AGPS: variants seen among roughly 807,000 people sequenced by gnomAD.
AGPS encodes the protein alkylglycerone phosphate synthase.
A neutral mutation model predicts 90.7 loss-of-function variants in AGPS; 26 were observed. That is an observed-to-expected ratio of 0.29 (90% CI 0.21 to 0.40). The LOEUF is 0.40. AGPS is among the 10% of genes least tolerant of loss of function. AGPS has a pLI of 1.00. For missense variants in AGPS, 540 were observed against 816.1 expected (o/e 0.66, Z 4.12); for synonymous variants, 294 against 285.3 (o/e 1.03, Z -0.31).
intron 10 of AGPS, among the ~76,000 whole-genome samples, chr2:177,478,152 G>A (rs1276997112): frequency 6.6e-6 from 1 of 152,068 alleles, no homozygotes; most frequent in Non-Finnish European, 1.5e-5. Flanking sequence ...CCCCCTTTCA[G>A]CATTTTGAAT....
At chr2:177,536,063 G>A (rs1350736406) in intron 19 of AGPS, among the ~76,000 whole-genome samples, 1 of 152,118 alleles carries the variant, frequency 6.6e-6, no homozygotes, top group Non-Finnish European at 1.5e-5. Context: ...AGCGCTTGGT[G>A]AGTGACTTCA....
chr2:177,502,670 G>A (rs1189683844), intron 14 of AGPS, among the ~76,000 whole-genome samples: 1 of 151,952 alleles, frequency 6.6e-6, no homozygotes, highest in Non-Finnish European at 1.5e-5. Flanking sequence ...GTCTCAAGCA[G>A]TACTCCCACC....
chr2:177,463,869 C>T (rs1383095965), intron 9 of AGPS, among the ~76,000 whole-genome samples: 2 of 152,130 alleles, frequency 1.3e-5, no homozygotes, highest in African/African-American at 4.8e-5. Flanking sequence ...TTAAGGGATA[C>T]AAATTATAAG....
At chr2:177,497,109 A>G (rs1036133537) in intron 12 of AGPS, among the ~76,000 whole-genome samples, 2 of 152,058 alleles carry the variant, frequency 1.3e-5, no homozygotes, top group East Asian at 3.8e-4. Flanking sequence ...GCAGGCAAAG[A>G]TGTTAATTTA....
chr2:177,412,837 C>G (rs982681242), intron 1 of AGPS, among the ~76,000 whole-genome samples: 1 of 152,056 alleles, frequency 6.6e-6, no homozygotes, highest in African/African-American at 2.4e-5. Context: ...AACCGTGGAA[C>G]CCAGCGACTA....
Position 177,523,904 on chromosome 2 carries a change from G to C in AGPS, c.1855+99G>C. Reference sequence around the variant, plus strand: ...GAGACATGGTATGAATAATATGAGAGTACTTGAGGTTTCTTTAAAGTTTCT... The same window carrying C: ...GAGACATGGTATGAATAATATGAGACTACTTGAGGTTTCTTTAAAGTTTCT... On this transcript the variant is annotated intron_variant, in intron 19 of 19. Coordinates refer to ENST00000264167, the MANE Select transcript of AGPS (RefSeq NM_003659.4). The C allele has an allele frequency of 8.9e-6, 9 of 1,014,618 alleles. 1 individual carries two copies. Among genetic ancestry groups the C allele is most frequent in the South Asian group, 8.0e-5 (6 of 75,206 alleles). 62.9% of individuals were successfully genotyped at this position (1,014,618 alleles called of 1,614,324 possible). A position where few individuals can be genotyped will look rare whatever the true frequency, so the allele number is the denominator to read the frequency against.
intron 19 of AGPS, among the ~76,000 whole-genome samples, chr2:177,529,825 T>C (rs1042030101): frequency 2.6e-4 from 40 of 152,200 alleles, no homozygotes; most frequent in African/African-American, 8.9e-4. Context: ...CAAATCTATA[T>C]TGGATTCCTG....
intron 14 of AGPS, among the ~76,000 whole-genome samples, chr2:177,502,407 ATTTTTTTTTTTTTTT>A: frequency 9.1e-6 from 1 of 109,304 alleles, no homozygotes; most frequent in East Asian, 2.5e-4. Context: ...AGCCATTTCG[ATTTTTTTTTTTTTTT>A]TTTTTTTTGA....
intron 7 of AGPS, among the ~76,000 whole-genome samples, chr2:177,444,691 A>T (rs6433666): frequency 0.86 from 130,138 of 152,098 alleles, 55,928 homozygotes; most frequent in East Asian, 0.95. Context: ...TATGTTAGTT[A>T]TTGCCGTGAA....
At chr2:177,505,843 G>A (rs1243842393) in intron 15 of AGPS, among the ~76,000 whole-genome samples, 2 of 151,800 alleles carry the variant, frequency 1.3e-5, no homozygotes, top group Admixed American at 1.3e-4. Flanking sequence ...TAAAAGTTGA[G>A]CATACCATTC....
chr2:177,465,393 T>G (rs1004153908), intron 9 of AGPS, among the ~76,000 whole-genome samples: 1 of 152,236 alleles, frequency 6.6e-6, no homozygotes, highest in East Asian at 1.9e-4. Flanking sequence ...GGTGTCACTT[T>G]TTTAGCCAGA....
At chr2:177,497,622 G>C in intron 12 of AGPS, 67 bp from the exon 13 acceptor site, 1 of 810,718 alleles carries the variant, frequency 1.2e-6, no homozygotes, top group South Asian at 2.2e-5. Flanking sequence ...TTCTAAGTTG[G>C]AGTAGCTTCT....
chr2:177,487,276 CTG>C (rs1688123318), intron 11 of AGPS, among the ~76,000 whole-genome samples: 1 of 151,926 alleles, frequency 6.6e-6, no homozygotes, highest in Non-Finnish European at 1.5e-5. Context: ...AGAGGAAAAA[CTG>C]TATTTGGTAT....
chr2:177,478,468 T>C (rs1476172279), intron 10 of AGPS, among the ~76,000 whole-genome samples: 2 of 152,194 alleles, frequency 1.3e-5, no homozygotes, highest in African/African-American at 2.4e-5. Context: ...TTTCTTCCAG[T>C]ACTCCCATTA....
intron 14 of AGPS, among the ~76,000 whole-genome samples, chr2:177,501,121 A>T (rs556947789): frequency 2.6e-5 from 4 of 152,310 alleles, no homozygotes; most frequent in African/African-American, 9.6e-5. Context: ...TTGTGTATTT[A>T]AATATTTACT....
chr2:177,524,375 A>G (rs1278951473), intron 19 of AGPS, among the ~76,000 whole-genome samples: 5 of 152,314 alleles, frequency 3.3e-5, no homozygotes, highest in South Asian at 2.1e-4. Context: ...CAATATGTCT[A>G]TCTTTGTTAC....
intron 16 of AGPS, among the ~76,000 whole-genome samples, chr2:177,510,546 T>C (rs1688840271): frequency 6.6e-6 from 1 of 152,232 alleles, no homozygotes; most frequent in Admixed American, 6.5e-5. Context: ...CATCTTGTTT[T>C]TTTATTCTTC....
rs1357391180 is a variant in AGPS at position 177,540,855 on chromosome 2, T to G, written c.*2660T>G. On this transcript the variant is annotated 3_prime_UTR_variant, in exon 20 of 20. Transcript: ENST00000264167. ...GGCATTGAATACTAAAGACTCAATA[T>G]GAACAGGCTTTATAGACCCTTAGAG... The G allele has an allele frequency of 6.6e-6, 1 of 152,080 alleles. No individual in the cohort carries two copies. Among genetic ancestry groups the G allele is most frequent in the Non-Finnish European group, 1.5e-5 (1 of 67,950 alleles). The allele number at this position is 152,080 out of a possible 1,614,324, so 9.4% of individuals were successfully genotyped here. A position where few individuals can be genotyped will look rare whatever the true frequency, so the allele number is the denominator to read the frequency against.
intron 17 of AGPS, among the ~76,000 whole-genome samples, chr2:177,516,422 A>G (rs1269154105): frequency 6.6e-6 from 1 of 152,194 alleles, no homozygotes; most frequent in African/African-American, 2.4e-5. Context: ...AGTGACTTTG[A>G]CAACCACGCT....
Sources: gnomAD v4.1 joint callset for allele counts (sites outside exome capture counted in the v4.1 genomes callset) on GRCh38, gnomAD v4.1.1 for gene constraint, MANE v1.5 for transcripts, NCBI Gene and HGNC (gene_info 2026-07-23, HGNC 2026-07-21) for gene names.